The following NKAIN3 variants were observed in gnomAD, a reference collection of about 807,000 sequenced individuals.
NKAIN3 encodes the protein sodium/potassium-transporting ATPase subunit beta-1-interacting protein 3.
In NKAIN3, 25 loss-of-function variants were observed where a neutral mutation model predicts 30.2. The observed-to-expected ratio is 0.83, with a 90% confidence interval of 0.60 to 1.16. The LOEUF (loss-of-function observed/expected upper bound fraction) is 1.16. Among genes scored for constraint, NKAIN3 ranks in the 50% most tolerant of loss-of-function variants. The pLI, the probability that NKAIN3 is intolerant of heterozygous loss-of-function variation, is 0.00. For synonymous variants in NKAIN3, 91 were observed against 89.6 expected, an observed-to-expected ratio of 1.02 and a Z score of -0.09; for missense variants, 225 against 254.1, an observed-to-expected ratio of 0.89 and a Z score of 0.78.
chr8:62,549,333 T>G (rs1040357574), intron 1 of NKAIN3, among the ~76,000 whole-genome samples: 54 of 152,156 alleles, frequency 3.5e-4, no homozygotes, highest in African/African-American at 7.2e-4. Flanking sequence ...CTTCTTTTTT[T>G]GGGGGATCGG....
In NKAIN3 at chr8:62,305,747, C is replaced by T. The variant is rs142816330; in HGVS notation, c.54+56620C>T. ...ATGGAAAAGAATGGAAGGTTGGTCT[C>T]GCTGGCCTTCTCCTTCTGGGTCCTA... On this transcript the variant is annotated intron_variant, in intron 1 of 6. Coordinates refer to ENST00000623646, the MANE Select transcript of NKAIN3 (RefSeq NM_001304533.3). Among the ~76,000 whole-genome samples, 172 of 150,548 alleles carry T rather than the reference C, an allele frequency of 1.1e-3. 13 individuals are homozygous for T. The highest frequency in any genetic ancestry group is 4.1e-3 in the African/African-American group (165 of 39,966).
chr8:62,325,007 T>G (rs188269551), intron 1 of NKAIN3, among the ~76,000 whole-genome samples: 53 of 152,200 alleles, frequency 3.5e-4, no homozygotes, highest in African/African-American at 1.3e-3. Context: ...CAATACTTTT[T>G]GGGGTACATG....
intron 1 of NKAIN3, among the ~76,000 whole-genome samples, chr8:62,335,551 G>T (rs1815519917): frequency 6.6e-6 from 1 of 151,822 alleles, no homozygotes; most frequent in African/African-American, 2.4e-5. Flanking sequence ...GAGATTCTTT[G>T]TGTATATTTT....
chr8:62,522,983 G>C (rs968319139), intron 1 of NKAIN3, among the ~76,000 whole-genome samples: 1 of 152,088 alleles, frequency 6.6e-6, no homozygotes, highest in Non-Finnish European at 1.5e-5. Flanking sequence ...GTCTACAGTA[G>C]TGTGCAGTAA....
chr8:62,938,298 CCATAAAAGAACAACT>C (rs1346811944), intron 5 of NKAIN3, among the ~76,000 whole-genome samples: 8 of 152,094 alleles, frequency 5.3e-5, no homozygotes, highest in Admixed American at 3.3e-4. Context: ...CCAACTCAAA[CCATAAAAGAACAACT>C]CATAAAAGAA....
Position 62,928,949 on chromosome 8 carries a change from G to C in NKAIN3, c.532+10436G>C, listed in dbSNP as rs143288463. 6.8e-3 allele frequency among the ~76,000 whole-genome samples: 1,032 copies of C among 152,296 alleles called. 45 individuals are homozygous for C. Among genetic ancestry groups the C allele is most frequent in the Admixed American group, 0.064 (977 of 15,296 alleles). ...AGGCAGGAGTTCTCCTGTCATTCAA[G>C]GGAGAGTTAGGAGTCCAGCGTATCA... On this transcript the variant is annotated intron_variant, in intron 5 of 6. Coordinates refer to ENST00000623646, the MANE Select transcript of NKAIN3 (RefSeq NM_001304533.3).
intron 1 of NKAIN3, chr8:62,473,148 T>G (rs1806408659): frequency 6.6e-6 from 1 of 152,212 alleles, no homozygotes; most frequent in African/African-American, 2.4e-5. Context: ...AACTGTGCCT[T>G]CTGTTGCCAC....
chr8:62,511,534 T>C (rs1186421088), intron 1 of NKAIN3, among the ~76,000 whole-genome samples: 1 of 152,200 alleles, frequency 6.6e-6, no homozygotes, highest in East Asian at 1.9e-4. Context: ...ATGACTATCC[T>C]CTGCCCAAAA....
intron 1 of NKAIN3, among the ~76,000 whole-genome samples, chr8:62,274,850 G>T (rs1323837425): frequency 6.6e-6 from 1 of 151,328 alleles, no homozygotes; most frequent in African/African-American, 2.4e-5. Flanking sequence ...GCAGTGTTTG[G>T]TTTTTTGTCC....
At chr8:62,279,505 G>A (rs897968098) in intron 1 of NKAIN3, among the ~76,000 whole-genome samples, 1 of 151,974 alleles carries the variant, frequency 6.6e-6, no homozygotes. Context: ...TTATGGTTTT[G>A]GGTCTAACAT....
At chr8:62,613,771 A>T (rs1280633507) in intron 3 of NKAIN3, among the ~76,000 whole-genome samples, 1 of 151,924 alleles carries the variant, frequency 6.6e-6, no homozygotes, top group African/African-American at 2.4e-5. Context: ...ACTAATTATT[A>T]CTTCTGCTTG....
intron 1 of NKAIN3, among the ~76,000 whole-genome samples, chr8:62,361,533 T>A (rs1488707396): frequency 6.6e-6 from 1 of 152,242 alleles, no homozygotes; most frequent in Non-Finnish European, 1.5e-5. Context: ...GGTATCTTTA[T>A]AAACATAGTC....
intron 1 of NKAIN3, among the ~76,000 whole-genome samples, chr8:62,393,812 T>G (rs6983923): frequency 0.035 from 5,287 of 152,196 alleles, 344 homozygotes; most frequent in African/African-American, 0.12. Context: ...TTGCACATCT[T>G]TTTGTTAAAT....
chr8:62,719,411 A>G (rs892897265), intron 3 of NKAIN3, among the ~76,000 whole-genome samples: 1 of 152,166 alleles, frequency 6.6e-6, no homozygotes, highest in Non-Finnish European at 1.5e-5. Flanking sequence ...ACCATAAGAA[A>G]CTAATCTACC....
At chr8:62,912,124 T>C (rs1172478372) in intron 4 of NKAIN3, among the ~76,000 whole-genome samples, 1 of 152,228 alleles carries the variant, frequency 6.6e-6, no homozygotes, top group Non-Finnish European at 1.5e-5. Flanking sequence ...GTTACTGTAC[T>C]GAATACTATA....
chr8:62,407,772 C>G (rs1381121635), intron 1 of NKAIN3, among the ~76,000 whole-genome samples: 4 of 152,140 alleles, frequency 2.6e-5, no homozygotes, highest in African/African-American at 9.7e-5. Context: ...AGGCTCATGC[C>G]TGTAATTGCA....
intron 3 of NKAIN3, among the ~76,000 whole-genome samples, chr8:62,721,447 C>T (rs991115771): frequency 6.6e-5 from 10 of 152,164 alleles, no homozygotes; most frequent in Non-Finnish European, 1.2e-4. Flanking sequence ...AAAATTCAGG[C>T]AACAGCTTCC....
chr8:62,790,135 C>T (rs1027100066), intron 4 of NKAIN3, among the ~76,000 whole-genome samples: 3 of 152,136 alleles, frequency 2.0e-5, no homozygotes, highest in Non-Finnish European at 2.9e-5. Context: ...GGCTTCATCC[C>T]TGGGATGCAA....
intron 1 of NKAIN3, among the ~76,000 whole-genome samples, chr8:62,472,403 C>T (rs1011319217): frequency 2.0e-5 from 3 of 152,126 alleles, no homozygotes; most frequent in African/African-American, 7.2e-5. Context: ...CTTTCTGAGA[C>T]TCAGTTTATT....
Sources: gnomAD v4.1 joint callset for allele counts (sites outside exome capture counted in the v4.1 genomes callset) on GRCh38, gnomAD v4.1.1 for gene constraint, MANE v1.5 for transcripts, NCBI Gene and HGNC (gene_info 2026-07-23, HGNC 2026-07-21) for gene names.